TINAG: variants seen among roughly 807,000 people sequenced by gnomAD.
TINAG encodes the protein tubulointerstitial nephritis antigen.
Under a neutral mutation model 72.7 loss-of-function variants are expected in TINAG, and 83 were observed. The ratio of observed to expected loss-of-function variants is 1.14; its 90% CI spans 0.96 to 1.37. The LOEUF (loss-of-function observed/expected upper bound fraction) is 1.37. Ranked by LOEUF, TINAG falls within the 40% of genes most tolerant of loss-of-function variation. The probability of loss-of-function intolerance (pLI) is 0.00; values close to 1 mark genes in which losing one functional copy is unlikely to be tolerated. For missense variants in TINAG, 685 were observed against 576.6 expected (o/e 1.19, Z -1.93); for synonymous variants, 234 against 189.9 (o/e 1.23, Z -1.91).
chr6:54,364,878 T>C (rs1433925421), intron 9 of TINAG, among the ~76,000 whole-genome samples: 2 of 151,460 alleles, frequency 1.3e-5, no homozygotes, highest in Non-Finnish European at 3.0e-5. Flanking sequence ...TAATGTATTT[T>C]TACCATATTT....
At chr6:54,320,238 C>G (rs1322424792) in intron 1 of TINAG, among the ~76,000 whole-genome samples, 1 of 151,946 alleles carries the variant, frequency 6.6e-6, no homozygotes, top group Non-Finnish European at 1.5e-5. Flanking sequence ...TGAGACATGC[C>G]ATAAATCAAT....
chr6:54,353,909 T>C (rs1225055700), intron 8 of TINAG, among the ~76,000 whole-genome samples: 1 of 151,794 alleles, frequency 6.6e-6, no homozygotes, highest in Non-Finnish European at 1.5e-5. Flanking sequence ...AATAGAGAGA[T>C]GAAGTAATTT....
At chr6:54,346,416 G>A (rs1254154892) in intron 5 of TINAG, among the ~76,000 whole-genome samples, 1 of 151,776 alleles carries the variant, frequency 6.6e-6, no homozygotes, top group Non-Finnish European at 1.5e-5. Flanking sequence ...AAGTTTGTGT[G>A]TGTGTGTGTA....
chr6:54,318,427 C>T (rs1407099642), intron 1 of TINAG, among the ~76,000 whole-genome samples: 10 of 152,072 alleles, frequency 6.6e-5, no homozygotes, highest in Admixed American at 3.3e-4. Context: ...CCTCTTTTCC[C>T]TCATTCACCA....
chr6:54,343,406 TGA>T, intron 5 of TINAG, 57 bp downstream of exon 5: 1 of 1,355,406 alleles, frequency 7.4e-7, no homozygotes, highest in Non-Finnish European at 9.6e-7. Flanking sequence ...CTCTAGAGAC[TGA>T]GAGAATAATT....
chr6:54,371,899 A>T (rs537117449), intron 9 of TINAG, among the ~76,000 whole-genome samples: 1 of 150,438 alleles, frequency 6.6e-6, no homozygotes, highest in East Asian at 2.0e-4. Context: ...AGTTCCTTAA[A>T]TTTATAGAGA....
At chr6:54,382,885 T>G (rs1043767736) in intron 10 of TINAG, among the ~76,000 whole-genome samples, 1 of 152,166 alleles carries the variant, frequency 6.6e-6, no homozygotes, top group Non-Finnish European at 1.5e-5. Flanking sequence ...CATTCCATTA[T>G]GATGAGTTGA....
At position 54,351,456 on chromosome 6, in the gene TINAG, T is replaced by C. The variant is rs552021632; in HGVS notation, c.1126+59T>C. On this transcript the variant is annotated intron_variant, in intron 8 of 10. Coordinates refer to ENST00000259782, the MANE Select transcript of TINAG (RefSeq NM_014464.4). ...CATTCCTTTAATAAACAACATTACA[T>C]TGAGCTCATGTAATAGGAGTTTAAT... The C allele has an allele frequency of 5.3e-6, 8 of 1,508,070 alleles. No homozygotes were observed. In the African/African-American group the frequency reaches 5.5e-5, roughly 10 times the overall value. 93.4% of individuals were successfully genotyped at this position (1,508,070 alleles called of 1,614,324 possible).
chr6:54,324,424 T>A (rs536727675), intron 3 of TINAG, among the ~76,000 whole-genome samples: 273 of 152,298 alleles, frequency 1.8e-3, no homozygotes, highest in African/African-American at 5.9e-3. Context: ...TACGTGGAAG[T>A]TGCCCCAGTC....
intron 9 of TINAG, chr6:54,369,933 T>G (rs2150974200): frequency 6.6e-6 from 1 of 152,142 alleles, no homozygotes; most frequent in Admixed American, 6.6e-5. Context: ...TCCAGAAGAT[T>G]TTAAATTACT....
At position 54,354,499 on chromosome 6, in the gene TINAG, GGATT is replaced by G. The variant is rs778438968; in HGVS notation, c.1127-13_1127-10del. ...TTAATACTGTGCCATTTGTTCTGTTGGATTTTATTTTAGCCATAATGCAAGTCCG... is the reference window on the plus strand; with the variant it reads ...TTAATACTGTGCCATTTGTTCTGTTGTTATTTTAGCCATAATGCAAGTCCG... On this transcript the variant is annotated splice_polypyrimidine_tract_variant and intron_variant, in intron 8 of 10. Transcript: ENST00000259782. 2 of 1,591,468 alleles carry G rather than the reference GGATT, an allele frequency of 1.3e-6. No individual in the cohort carries two copies. The highest frequency in any genetic ancestry group is 8.5e-7 in the Non-Finnish European group (1 of 1,171,932).
intron 9 of TINAG, among the ~76,000 whole-genome samples, chr6:54,377,169 T>C (rs1057021332): frequency 6.6e-6 from 1 of 152,104 alleles, no homozygotes; most frequent in African/African-American, 2.4e-5. Context: ...ATAGCCAGTA[T>C]TAAGATCTCT....
At chr6:54,360,851 T>G (rs1047529850) in intron 9 of TINAG, among the ~76,000 whole-genome samples, 2 of 106,128 alleles carry the variant, frequency 1.9e-5, no homozygotes, top group South Asian at 3.1e-4. Flanking sequence ...GTTTTTTTTT[T>G]TTTTTTTTTT....
intron 1 of TINAG, among the ~76,000 whole-genome samples, chr6:54,319,295 G>A (rs913290850): frequency 1.8e-4 from 27 of 152,080 alleles, no homozygotes; most frequent in African/African-American, 6.3e-4. Flanking sequence ...AAATATTTTA[G>A]AATCTCTTTA....
chr6:54,368,320 G>C (rs1217390245), intron 9 of TINAG, among the ~76,000 whole-genome samples: 5 of 146,828 alleles, frequency 3.4e-5, no homozygotes, highest in Admixed American at 2.7e-4. Flanking sequence ...TAATTATTAA[G>C]TAATAATCAA....
Position 54,320,569 on chromosome 6 carries a change from A to T in TINAG, c.356-10A>T. The T allele has an allele frequency of 6.3e-7, 1 of 1,592,870 alleles. No homozygotes were observed. Among genetic ancestry groups the T allele is most frequent in the East Asian group, 2.2e-5 (1 of 44,520 alleles). ...TAGCATTTTCATTTCTTTACATGTTACTTTGACAGGTTGCTTCAAAGATGG... is the reference window on the plus strand; with the variant it reads ...TAGCATTTTCATTTCTTTACATGTTTCTTTGACAGGTTGCTTCAAAGATGG... On this transcript the variant is annotated splice_polypyrimidine_tract_variant and intron_variant, in intron 1 of 10. Transcript: ENST00000259782.
rs376544969 is a variant in TINAG, at chr6:54,356,617, G to GCT, written c.1250+1994_1250+1995dup. 3.5e-3 allele frequency among the ~76,000 whole-genome samples: 523 copies of GCT among 150,808 alleles called. 6 individuals carry two copies. Among genetic ancestry groups the GCT allele is most frequent in the African/African-American group, 0.012 (491 of 41,188 alleles). ...AAACATGTCAGGTAAGTCTTCTCTTGCTCTCTCTCTCTCTGTTAGTGAAAA... is the reference window on the plus strand; with the variant it reads ...AAACATGTCAGGTAAGTCTTCTCTTGCTCTCTCTCTCTCTCTGTTAGTGAAAA... On this transcript the variant is annotated intron_variant, in intron 9 of 10. Transcript: ENST00000259782.
At chr6:54,342,556 G>A (rs894476382) in intron 4 of TINAG, among the ~76,000 whole-genome samples, 8 of 152,006 alleles carry the variant, frequency 5.3e-5, no homozygotes, top group Admixed American at 4.6e-4. Flanking sequence ...TTTTAGTAAA[G>A]ACGGGTTTTC....
In TINAG at chr6:54,389,830, G is replaced by A; in HGVS notation, c.1336G>A (p.Gly446Ser). Residue 446 changes from glycine to serine, a missense_variant, in exon 11 of 11, where the codon GGC becomes AGC. By Grantham distance (56) the Gly-to-Ser change is moderately conservative. Transcript: ENST00000259782. Reference sequence around the variant, plus strand: ...CTGGGGAAAGTCATGGGGAGAGAATGGCTATTTCAGGATTCTTCGAGGAGT... The same window carrying A: ...CTGGGGAAAGTCATGGGGAGAGAATAGCTATTTCAGGATTCTTCGAGGAGT... ...NSWGKSWGEN[G>S]YFRILRGVNE... The A allele has an allele frequency of 6.2e-7, 1 of 1,607,480 alleles. No homozygotes were observed. Among genetic ancestry groups the A allele is most frequent in the Non-Finnish European group, 8.5e-7 (1 of 1,177,606 alleles).
Sources: allele counts gnomAD v4.1 joint callset (sites outside exome capture counted in the v4.1 genomes callset), GRCh38; gene constraint gnomAD v4.1.1; transcripts MANE v1.5; gene names NCBI Gene and HGNC (gene_info 2026-07-23, HGNC 2026-07-21).